Variants in FAAH2 observed in about 807,000 individuals in gnomAD.
FAAH2 encodes the protein fatty acid amide hydrolase 2, also known as fatty-acid amide hydrolase 2.
Under a neutral mutation model 36.9 loss-of-function variants are expected in FAAH2, and 60 were observed. That is an observed-to-expected ratio of 1.63 (90% CI 1.32 to 2.02). The LOEUF is 2.02. Among genes scored for constraint, FAAH2 ranks in the 30% most tolerant of loss-of-function variants. The pLI, the probability that FAAH2 is intolerant of heterozygous loss-of-function variation, is 0.00. For missense variants in FAAH2, 689 were observed against 397.5 expected (o/e 1.73, Z -6.23); for synonymous variants, 214 against 143.8 (o/e 1.49, Z -3.49).
the FAAH2 span, among the ~76,000 whole-genome samples, chrX:57,244,417 G>C: frequency 9.0e-6 from 1 of 110,930 alleles, no homozygotes; most frequent in South Asian, 3.9e-4. Context: ...TACTCCTCGA[G>C]AAGAGGAACC....
Position 57,341,304 on chromosome X carries a change from C to T in FAAH2, c.656C>T (p.Ser219Leu), listed in dbSNP as rs374743678. ...GEGCTLAAAC[S>L]VIGVGSDIGG... ...GGCTGCACACTGGCAGCTGCCTGCTCAGTTATTGGTGTGGGCTCTGATATT... is the reference window on the plus strand; with the variant it reads ...GGCTGCACACTGGCAGCTGCCTGCTTAGTTATTGGTGTGGGCTCTGATATT... The change falls in exon 5 of 11, where the codon TCA (serine) becomes TTA (leucine). Residue 219 changes from serine (S) to leucine (L), a missense_variant. Ser to Leu is a moderately radical substitution (Grantham distance 145, BLOSUM62 -2). Transcript: ENST00000374900. 8.3e-7 allele frequency: 1 copy of T among 1,209,208 alleles called. No individual in the cohort carries two copies. The highest frequency in any genetic ancestry group is 1.1e-6 in the Non-Finnish European group (1 of 894,095).
the FAAH2 span, among the ~76,000 whole-genome samples, chrX:57,143,709 C>T: frequency 6.3e-5 from 7 of 111,238 alleles, no homozygotes; most frequent in Non-Finnish European, 1.3e-4. Context: ...AACTCCTGAT[C>T]TCAGGTGATT....
At chrX:57,356,344 A>G (rs1387212563) in intron 5 of FAAH2, among the ~76,000 whole-genome samples, 1 of 110,924 alleles carries the variant, frequency 9.0e-6, no homozygotes, top group East Asian at 2.8e-4. Flanking sequence ...TATTTAAAAA[A>G]AAAGTTAGAT....
chrX:57,469,569 C>A (rs945998634), intron 10 of FAAH2, among the ~76,000 whole-genome samples: 2 of 111,895 alleles, frequency 1.8e-5, no homozygotes, highest in Non-Finnish European at 3.8e-5. Flanking sequence ...TACATCTGCA[C>A]CCAATACAGG....
At chrX:57,486,131 A>G (rs1295922572) in intron 10 of FAAH2, among the ~76,000 whole-genome samples, 17 of 111,803 alleles carry the variant, frequency 1.5e-4, no homozygotes, top group Non-Finnish European at 3.0e-4. Flanking sequence ...TCCCCAGTAA[A>G]ACAGTACTGC....
At chrX:57,128,072 A>C in the FAAH2 span, among the ~76,000 whole-genome samples, 1 of 111,937 alleles carries the variant, frequency 8.9e-6, no homozygotes, top group Admixed American at 9.5e-5. Context: ...GCTATTTCAA[A>C]CAATGCTGTG....
chrX:57,288,006 T>C (rs180860874), intron 1 of FAAH2, among the ~76,000 whole-genome samples: 24 of 111,558 alleles, frequency 2.2e-4, no homozygotes, highest in South Asian at 3.8e-4. Flanking sequence ...CATGCTTTTC[T>C]ACCAGTTAGG....
intron 7 of FAAH2, among the ~76,000 whole-genome samples, chrX:57,420,597 T>C (rs1569332906): frequency 9.1e-6 from 1 of 110,335 alleles, no homozygotes; most frequent in Admixed American, 9.7e-5. Flanking sequence ...CTGAAGTTGC[T>C]TATCAGCTTA....
the FAAH2 span, among the ~76,000 whole-genome samples, chrX:57,251,427 T>C: frequency 1.8e-5 from 2 of 111,684 alleles, no homozygotes; most frequent in African/African-American, 6.5e-5. Flanking sequence ...AAGTTTCTCC[T>C]CTAAGATCAG....
At chrX:57,289,371 T>C (rs1422334539) in intron 1 of FAAH2, among the ~76,000 whole-genome samples, 2 of 111,211 alleles carry the variant, frequency 1.8e-5, no homozygotes, top group African/African-American at 6.5e-5. Flanking sequence ...GCTACCACTA[T>C]GTCTTCTGAA....
the FAAH2 span, among the ~76,000 whole-genome samples, chrX:57,157,124 G>A: frequency 1.8e-5 from 2 of 111,653 alleles, no homozygotes; most frequent in African/African-American, 6.5e-5. Flanking sequence ...CCAGTTGCAA[G>A]ACCAAGTCCC....
chrX:57,439,257 G>A (rs200587441), intron 8 of FAAH2, among the ~76,000 whole-genome samples: 37,880 of 108,196 alleles, frequency 0.35, 6,105 homozygotes, highest in Middle Eastern at 0.6. Flanking sequence ...ATCCTCTCCA[G>A]CACCTGTTGT....
At chrX:57,303,460 C>T (rs1190636708) in intron 2 of FAAH2, among the ~76,000 whole-genome samples, 1 of 111,997 alleles carries the variant, frequency 8.9e-6, no homozygotes, top group East Asian at 2.8e-4. Context: ...GTCAGGAGAA[C>T]CTGATGAATT....
chrX:57,329,481 G>A (rs1344123070), intron 3 of FAAH2, among the ~76,000 whole-genome samples: 1 of 110,506 alleles, frequency 9.0e-6, no homozygotes, highest in Non-Finnish European at 1.9e-5. Flanking sequence ...GTTGGGGGCA[G>A]TGCTGATGTG....
At chrX:57,216,040 T>C in the FAAH2 span, among the ~76,000 whole-genome samples, 1 of 108,334 alleles carries the variant, frequency 9.2e-6, no homozygotes, top group African/African-American at 3.3e-5. Context: ...GTGTGTGTAG[T>C]GTCACTGTTC....
the FAAH2 span, among the ~76,000 whole-genome samples, chrX:57,216,534 A>ATATATACGTATATG: frequency 5.4e-5 from 4 of 73,539 alleles, no homozygotes; most frequent in African/African-American, 2.9e-4. Context: ...ATGTATATAT[A>ATATATACGTATATG]TATATATACG....
the FAAH2 span, among the ~76,000 whole-genome samples, chrX:57,124,861 T>G: frequency 8.9e-6 from 1 of 112,509 alleles, no homozygotes; most frequent in African/African-American, 3.2e-5. Flanking sequence ...TTTTGTATCC[T>G]GAGACTTGGC....
At chrX:57,419,593 A>G (rs1182400669) in intron 7 of FAAH2, among the ~76,000 whole-genome samples, 2 of 110,933 alleles carry the variant, frequency 1.8e-5, no homozygotes, top group Non-Finnish European at 3.8e-5. Context: ...AATTTGTTTG[A>G]GTTCATTGTA....
At chrX:57,193,211 C>T in the FAAH2 span, among the ~76,000 whole-genome samples, 50 of 111,640 alleles carry the variant, frequency 4.5e-4, no homozygotes, top group Non-Finnish European at 8.5e-4. Flanking sequence ...AAATGGCCCC[C>T]TTGGGTGTGG....
Sources: gnomAD v4.1 joint callset for allele counts (sites outside exome capture counted in the v4.1 genomes callset) on GRCh38, gnomAD v4.1.1 for gene constraint, MANE v1.5 for transcripts, NCBI Gene and HGNC (gene_info 2026-07-23, HGNC 2026-07-21) for gene names.